The following FAM83B variants were observed in gnomAD, a reference collection of about 807,000 sequenced individuals.
The protein encoded by FAM83B is scaffolding CK1 anchoring protein B, also known as protein FAM83B.
FAM83B carries 26 observed loss-of-function variants against 38.8 expected under a neutral mutation model. The ratio of observed to expected loss-of-function variants is 0.67; its 90% CI spans 0.49 to 0.93. The LOEUF (loss-of-function observed/expected upper bound fraction) is 0.93. Ranked by LOEUF, FAM83B falls within the 40% of genes least tolerant of loss-of-function variation. The pLI is 0.00. For synonymous variants in FAM83B, 419 were observed against 423.1 expected (o/e 0.99, Z 0.12); for missense variants, 1,237 against 1,197.3 (o/e 1.03, Z -0.49).
chr6:54,927,459 A>G, intron 3 of FAM83B, 49 bp from the exon 4 acceptor site: 1 of 1,439,298 alleles, frequency 6.9e-7, no homozygotes, highest in Non-Finnish European at 9.2e-7. Flanking sequence ...TTTTCAAAAT[A>G]TTCTTTTCCT....
At chr6:54,904,968 A>T (rs912710523) in intron 2 of FAM83B, among the ~76,000 whole-genome samples, 9 of 152,174 alleles carry the variant, frequency 5.9e-5, no homozygotes, top group Non-Finnish European at 7.4e-5. Flanking sequence ...ACGATCTGTA[A>T]AGAAAGGAAA....
intron 2 of FAM83B, among the ~76,000 whole-genome samples, chr6:54,883,135 T>TGG (rs1772174761): frequency 1.3e-5 from 2 of 151,636 alleles, no homozygotes; most frequent in Non-Finnish European, 2.9e-5. Context: ...TAGTAGAGAC[T>TGG]GGTTTCACCG....
chr6:54,892,838 G>A (rs78786898), intron 2 of FAM83B, among the ~76,000 whole-genome samples: 4,547 of 152,000 alleles, frequency 0.03, 235 homozygotes, highest in African/African-American at 0.1. Flanking sequence ...TCTTAAGTGC[G>A]GATGGGGCTT....
At chr6:54,851,425 C>T (rs1246342966) in intron 1 of FAM83B, among the ~76,000 whole-genome samples, 1 of 152,008 alleles carries the variant, frequency 6.6e-6, no homozygotes, top group Non-Finnish European at 1.5e-5. Flanking sequence ...GTCCATTTCA[C>T]CATCTGTTGA....
chr6:54,919,984 A>G (rs1484484358), intron 2 of FAM83B, among the ~76,000 whole-genome samples: 1 of 152,016 alleles, frequency 6.6e-6, no homozygotes. Flanking sequence ...ATATATAGAT[A>G]TAGCAGTTAA....
At chr6:54,906,736 T>C (rs1469485099) in intron 2 of FAM83B, among the ~76,000 whole-genome samples, 1 of 152,094 alleles carries the variant, frequency 6.6e-6, no homozygotes, top group Non-Finnish European at 1.5e-5. Flanking sequence ...GTATAGTATA[T>C]AGTTAAAGCA....
In FAM83B at chr6:54,944,454, T is replaced by C. The variant is rs751741755; in HGVS notation, c.*2447T>C. 3.3e-5 allele frequency: 5 copies of C among 152,194 alleles called. No individual in the cohort carries two copies. The highest frequency in any genetic ancestry group is 7.3e-5 in the Non-Finnish European group (5 of 68,034). 9.4% of individuals were successfully genotyped at this position (152,194 alleles called of 1,614,324 possible). A position where few individuals can be genotyped will look rare whatever the true frequency, so the allele number is the denominator to read the frequency against. ...TTCTTGGCAGATGGCTAGAGAATACTGCAAGTGACCCTGTATCCCGAATAC... is the reference window on the plus strand; with the variant it reads ...TTCTTGGCAGATGGCTAGAGAATACCGCAAGTGACCCTGTATCCCGAATAC... On this transcript the variant is annotated 3_prime_UTR_variant, in exon 5 of 5. Transcript: ENST00000306858.
intron 1 of FAM83B, among the ~76,000 whole-genome samples, chr6:54,855,576 T>C (rs886329428): frequency 6.6e-6 from 1 of 152,244 alleles, no homozygotes; most frequent in Non-Finnish European, 1.5e-5. Context: ...TTCAAACTAT[T>C]TGAAATTCTA....
chr6:54,860,275 T>A (rs1239327561), intron 1 of FAM83B, among the ~76,000 whole-genome samples: 1 of 152,080 alleles, frequency 6.6e-6, no homozygotes, highest in East Asian at 1.9e-4. Context: ...AGAAAAAAAA[T>A]GAAGCTGGAG....
At chr6:54,850,410 G>T (rs1771244378) in intron 1 of FAM83B, among the ~76,000 whole-genome samples, 1 of 152,052 alleles carries the variant, frequency 6.6e-6, no homozygotes, top group African/African-American at 2.4e-5. Flanking sequence ...GTTAACTAAG[G>T]TTTCCCCACA....
intron 1 of FAM83B, among the ~76,000 whole-genome samples, chr6:54,855,116 A>G (rs1191988436): frequency 6.6e-6 from 1 of 152,222 alleles, no homozygotes; most frequent in South Asian, 2.1e-4. Flanking sequence ...AAATATTCAA[A>G]TAAGTGTGCA....
chr6:54,866,603 G>A (rs1771711553), intron 1 of FAM83B, among the ~76,000 whole-genome samples: 1 of 152,106 alleles, frequency 6.6e-6, no homozygotes, highest in African/African-American at 2.4e-5. Context: ...GTTGTTGCAT[G>A]TATTAGTAGG....
At chr6:54,927,383 G>A (rs1395863881) in intron 3 of FAM83B, 125 bp from the exon 4 acceptor site, 4 of 611,128 alleles carry the variant, frequency 6.5e-6, no homozygotes, top group Non-Finnish European at 1.0e-5. Flanking sequence ...ATATTTGGGA[G>A]TTTTTTTTTT....
At chr6:54,939,313 C>T (rs763287905) in intron 4 of FAM83B, among the ~76,000 whole-genome samples, 12 of 152,152 alleles carry the variant, frequency 7.9e-5, no homozygotes, top group South Asian at 2.1e-4. Context: ...TAGATTTGTT[C>T]TTTTTGCTTG....
chr6:54,864,205 C>T (rs992313999), intron 1 of FAM83B, among the ~76,000 whole-genome samples: 2 of 151,956 alleles, frequency 1.3e-5, no homozygotes, highest in African/African-American at 2.4e-5. Flanking sequence ...TCTAAGAAGG[C>T]AAATAGCAGC....
chr6:54,900,164 G>A (rs191031860), intron 2 of FAM83B, among the ~76,000 whole-genome samples: 1 of 152,170 alleles, frequency 6.6e-6, no homozygotes, highest in Non-Finnish European at 1.5e-5. Flanking sequence ...CTTAATGGTG[G>A]GGCTTTCCAA....
intron 1 of FAM83B, among the ~76,000 whole-genome samples, chr6:54,861,361 C>T (rs1013575020): frequency 2.6e-5 from 4 of 152,084 alleles, no homozygotes. Flanking sequence ...TTGAGACCAG[C>T]CTGGCCAACA....
chr6:54,914,022 T>C (rs1170796382), intron 2 of FAM83B, among the ~76,000 whole-genome samples: 1 of 151,976 alleles, frequency 6.6e-6, no homozygotes, highest in Non-Finnish European at 1.5e-5. Flanking sequence ...GTTACCTAAA[T>C]GTCATTTTAC....
Position 54,941,505 on chromosome 6 carries a change from G to A in FAM83B, c.2534G>A (p.Ser845Asn). The change falls in exon 5 of 5, where the codon AGT (serine) becomes AAT (asparagine). Residue 845 changes from serine to asparagine, a missense_variant. By Grantham distance (46) the Ser-to-Asn change is conservative (BLOSUM62 1). Transcript: ENST00000306858. ...AATTCTCAAGGCAGCATCCACAAGA[G>A]TAAGGAAGATGTAACAGTTAGCCCA... The part of the protein sequence containing the change: ...SSNSQGSIHK[S>N]KEDVTVSPSQ... The A allele has an allele frequency of 3.1e-6, 5 of 1,614,024 alleles. No homozygotes were observed. Among genetic ancestry groups the A allele is most frequent in the Non-Finnish European group, 4.2e-6 (5 of 1,179,978 alleles).
Sources: allele counts gnomAD v4.1 joint callset (sites outside exome capture counted in the v4.1 genomes callset), GRCh38; gene constraint gnomAD v4.1.1; transcripts MANE v1.5; gene names NCBI Gene and HGNC (gene_info 2026-07-23, HGNC 2026-07-21).